The following BCAS2 variants were observed in gnomAD, a reference collection of about 807,000 sequenced individuals.
BCAS2 encodes pre-mRNA-splicing factor SPF27.
A neutral mutation model predicts 35.3 loss-of-function variants in BCAS2; 34 were observed. The ratio of observed to expected loss-of-function variants is 0.96; its 90% CI spans 0.73 to 1.28. The LOEUF is 1.28. Ranked by LOEUF, BCAS2 falls within the 50% of genes most tolerant of loss-of-function variation. The pLI is 0.00. For missense variants in BCAS2, 221 were observed against 268.1 expected (o/e 0.82, Z 1.23); for synonymous variants, 75 against 91.6 (o/e 0.82, Z 1.03).
chr1:114,568,210 C>T lies in BCAS2; in HGVS notation c.598G>A (p.Val200Ile), dbSNP rs759662577. 1.8e-5 allele frequency: 29 copies of T among 1,613,906 alleles called. No individual in the cohort carries two copies. The South Asian group carries it at 3.1e-4, about 17-fold the overall frequency. ...TGATAGATTTCATTTTCTAGCTGAACAATAGTCCGTTCAATCTCATAATTC... is the reference window on the plus strand; with the variant it reads ...TGATAGATTTCATTTTCTAGCTGAATAATAGTCCGTTCAATCTCATAATTC... Reference protein sequence around the residue: ...SKNYEIERTIVQLENEIYQIK... With the variant: ...SKNYEIERTIIQLENEIYQIK... The change falls in exon 7 of 7, where the codon GTT becomes ATT. Residue 200 changes from valine (V) to isoleucine (I), a missense_variant. By Grantham distance (29) the Val-to-Ile change is conservative. Transcript: ENST00000369541.
At chr1:114,569,840 T>G in intron 6 of BCAS2, 152 bp downstream of exon 6, 1 of 637,766 alleles carries the variant, frequency 1.6e-6, no homozygotes, top group Admixed American at 2.9e-5. Context: ...TAACACCTTA[T>G]AAAGAGGCAG....
intron 4 of BCAS2, among the ~76,000 whole-genome samples, chr1:114,575,363 AT>A (rs34989850): frequency 0.53 from 70,997 of 133,540 alleles, 17,453 homozygotes; most frequent in Middle Eastern, 0.65. Context: ...AATTTTTTGT[AT>A]TTTTTTTTTT....
At chr1:114,580,264 C>T (rs1654855163) in intron 2 of BCAS2, among the ~76,000 whole-genome samples, 3 of 152,218 alleles carry the variant, frequency 2.0e-5, no homozygotes, top group South Asian at 2.1e-4. Flanking sequence ...CATAAATAAA[C>T]GATTAGGTAT....
At position 114,578,935 on chromosome 1, in the gene BCAS2, A is replaced by T. The variant is rs536113972; in HGVS notation, c.187-2177T>A. Among the ~76,000 whole-genome samples the T allele has an allele frequency of 5.9e-5, 9 of 152,326 alleles. No homozygotes were observed. In the South Asian group the frequency reaches 1.9e-3, roughly 32 times the overall value. ...TAGTTATATAGTTTATAGAGCTGTTATGTGCACCAAGTAAGACAGTGAACC... is the reference window on the plus strand; with the variant it reads ...TAGTTATATAGTTTATAGAGCTGTTTTGTGCACCAAGTAAGACAGTGAACC... On this transcript the variant is annotated intron_variant, in intron 2 of 6. Coordinates refer to ENST00000369541, the MANE Select transcript of BCAS2 (RefSeq NM_005872.3).
chr1:114,570,393 T>C (rs912718711), intron 5 of BCAS2, among the ~76,000 whole-genome samples: 1 of 152,190 alleles, frequency 6.6e-6, no homozygotes, highest in Non-Finnish European at 1.5e-5. Flanking sequence ...GGCTTTCCTA[T>C]ATGTGTGTGT....
At chr1:114,581,097 C>T (rs1421871069) in intron 2 of BCAS2, among the ~76,000 whole-genome samples, 2 of 151,986 alleles carry the variant, frequency 1.3e-5, no homozygotes, top group African/African-American at 2.4e-5. Context: ...AGTTGTGGAG[C>T]CCCAGAAAGT....
intron 4 of BCAS2, among the ~76,000 whole-genome samples, chr1:114,572,756 G>C (rs181321540): frequency 6.6e-6 from 1 of 152,246 alleles, no homozygotes; most frequent in South Asian, 2.1e-4. Flanking sequence ...CCAGAGAAAG[G>C]ACTAGTTTGG....
intron 2 of BCAS2, among the ~76,000 whole-genome samples, chr1:114,577,253 C>T (rs1020331274): frequency 6.6e-6 from 1 of 152,198 alleles, no homozygotes; most frequent in Non-Finnish European, 1.5e-5. Flanking sequence ...CCATGTAATG[C>T]CCTGTGCTGC....
chr1:114,576,321 C>T (rs1174936724), intron 3 of BCAS2, among the ~76,000 whole-genome samples: 1 of 150,960 alleles, frequency 6.6e-6, no homozygotes, highest in African/African-American at 2.4e-5. Context: ...TGCAGTGGCA[C>T]AATCTCGGCT....
At chr1:114,568,875 A>G (rs1654584330) in intron 6 of BCAS2, among the ~76,000 whole-genome samples, 1 of 149,848 alleles carries the variant, frequency 6.7e-6, no homozygotes. Flanking sequence ...CAATCCTCCA[A>G]CCTCAGCCTC....
chr1:114,581,189 G>A, intron 2 of BCAS2, 110 bp downstream of exon 2: 1 of 1,058,414 alleles, frequency 9.4e-7, no homozygotes, highest in Non-Finnish European at 1.5e-6. Flanking sequence ...CTATACAGTA[G>A]GTAAGTAGTA....
chr1:114,575,675 C>G lies in BCAS2; in HGVS notation c.334G>C (p.Ala112Pro), dbSNP rs1309537044. Residue 112 changes from alanine to proline, a missense_variant, in exon 4 of 7, where the codon GCC (alanine) becomes CCC (proline). Coordinates refer to ENST00000369541, the MANE Select transcript of BCAS2 (RefSeq NM_005872.3). The part of the protein sequence containing the change: ...AWQECVNNSM[A>P]QLEHQAVRIE... ...CTAACTGCTTGATGCTCTAACTGGGCCATAGAATTGTTTACACATTCTTGC... is the reference window on the plus strand; with the variant it reads ...CTAACTGCTTGATGCTCTAACTGGGGCATAGAATTGTTTACACATTCTTGC... 2.9e-5 allele frequency: 47 copies of G among 1,613,096 alleles called. No individual in the cohort carries two copies. Among genetic ancestry groups the G allele is most frequent in the Non-Finnish European group, 4.0e-5 (47 of 1,179,790 alleles).
chr1:114,577,376 TA>T (rs200746184), intron 2 of BCAS2, among the ~76,000 whole-genome samples: 7 of 150,184 alleles, frequency 4.7e-5, no homozygotes, highest in African/African-American at 1.2e-4. Flanking sequence ...TTTATTTATT[TA>T]TTTTTTTTTT....
intron 2 of BCAS2, among the ~76,000 whole-genome samples, chr1:114,580,516 G>A (rs1388733641): frequency 2.6e-5 from 4 of 152,026 alleles, no homozygotes; most frequent in East Asian, 3.9e-4. Flanking sequence ...CTCCGCTATA[G>A]GTCCTTTACA....
chr1:114,569,175 GGAAA>G (rs1221058125), intron 6 of BCAS2, among the ~76,000 whole-genome samples: 3 of 152,034 alleles, frequency 2.0e-5, no homozygotes, highest in African/African-American at 7.2e-5. Flanking sequence ...AGAAGAAAGA[GGAAA>G]GAGTGATGAA....
intron 4 of BCAS2, among the ~76,000 whole-genome samples, chr1:114,574,673 G>C (rs562640572): frequency 6.6e-6 from 1 of 152,140 alleles, no homozygotes. Flanking sequence ...CTGCAAATGG[G>C]ACCTCAGAAC....
In BCAS2 at chr1:114,570,739, T is replaced by A. The variant is rs1167246066; in HGVS notation, c.431A>T (p.His144Leu). The change falls in exon 5 of 7, where the codon CAT becomes CTT. Residue 144 changes from histidine (H) to leucine (L), a missense_variant. Physicochemically the swap from His to Leu is moderately conservative, Grantham distance 99 (BLOSUM62 -3). Transcript: ENST00000369541. ...AWKVYNENLV[H>L]MIEHAQKELQ... ...TTCCTTCTGTGCGTGTTCAATCATA[T>A]GAACTAGATTTCTGAAGGAAAAGAG... is the stretch of plus-strand genomic sequence containing the variant. The A allele has an allele frequency of 6.3e-7, 1 of 1,588,224 alleles. No individual in the cohort carries two copies. Among genetic ancestry groups the A allele is most frequent in the Admixed American group, 1.7e-5 (1 of 57,986 alleles).
chr1:114,569,891 T>C (rs1196324655), intron 6 of BCAS2, 101 bp downstream of exon 6: 4 of 869,520 alleles, frequency 4.6e-6, no homozygotes, highest in Non-Finnish European at 7.4e-6. Context: ...ATTTCTTTGT[T>C]ACCTGTGGCA....
chr1:114,572,870 T>C (rs1025459480), intron 4 of BCAS2, among the ~76,000 whole-genome samples: 3 of 152,048 alleles, frequency 2.0e-5, no homozygotes, highest in African/African-American at 4.8e-5. Flanking sequence ...CCCAGCACTT[T>C]GAGAGGTTGA....
Sources: allele counts gnomAD v4.1 joint callset (sites outside exome capture counted in the v4.1 genomes callset), GRCh38; gene constraint gnomAD v4.1.1; transcripts MANE v1.5; gene names NCBI Gene and HGNC (gene_info 2026-07-23, HGNC 2026-07-21).